TPM1: variants seen among roughly 807,000 people sequenced by gnomAD.
TPM1 encodes the protein tropomyosin alpha-1 chain.
In TPM1, 24 loss-of-function variants were observed where a neutral mutation model predicts 42.9. The ratio of observed to expected loss-of-function variants is 0.56; its 90% CI spans 0.41 to 0.79. The LOEUF (loss-of-function observed/expected upper bound fraction) is 0.79. Ranked by LOEUF, TPM1 falls within the 30% of genes least tolerant of loss-of-function variation. The pLI is 0.00. For missense variants in TPM1, 158 were observed against 351.8 expected (o/e 0.45, Z 4.41); for synonymous variants, 136 against 130.1 (o/e 1.05, Z -0.31).
rs730881152 is a variant in TPM1 at position 63,042,933 on chromosome 15, G to C, written c.104G>C (p.Arg35Thr). ...AEADKKAAEDRSKQLEDELVS... is the reference protein window; with the variant it reads ...AEADKKAAEDTSKQLEDELVS... Reference sequence around the variant, plus strand: ...GCCGACAAGAAGGCGGCGGAAGACAGGAGCAAGCAGGTCTGCGCCTCCCCG... The same window carrying C: ...GCCGACAAGAAGGCGGCGGAAGACACGAGCAAGCAGGTCTGCGCCTCCCCG... The change falls in exon 1 of 10, where the codon AGG becomes ACG. Residue 35 changes from arginine (R) to threonine (T), a missense_variant. Arg to Thr is a moderately conservative substitution (Grantham distance 71). This residue lies in a region of TPM1 where 24 missense variants were observed against 26.8 expected (regional missense o/e 0.89). Coordinates refer to ENST00000403994, the MANE Select transcript of TPM1 (RefSeq NM_001018005.2). 6.3e-7 allele frequency: 1 copy of C among 1,599,846 alleles called. No homozygotes were observed. The highest frequency in any genetic ancestry group is 8.5e-7 in the Non-Finnish European group (1 of 1,173,468).
At chr15:63,071,571 C>T in exon 9 of TPM1, 2 of 317,242 alleles carry the variant, frequency 6.3e-6, no homozygotes. Flanking sequence ...GTCTTTTGTT[C>T]AACATTGTAC....
chr15:63,067,064 C>T (rs2036319263), downstream of TPM1, among the ~76,000 whole-genome samples: 1 of 151,882 alleles, frequency 6.6e-6, no homozygotes, highest in Non-Finnish European at 1.5e-5. Context: ...TAATTCCCAA[C>T]ATTTCTCCTT....
chr15:63,048,863 C>G (rs904499243), intron 2 of TPM1: 1 of 984,352 alleles, frequency 1.0e-6, no homozygotes, highest in Admixed American at 2.1e-5. Flanking sequence ...GCGGCGGGCT[C>G]TGGGGAGGGG....
chr15:63,054,092 TA>T (rs1170169346), intron 2 of TPM1, among the ~76,000 whole-genome samples: 2 of 152,222 alleles, frequency 1.3e-5, no homozygotes, highest in Admixed American at 6.5e-5. Flanking sequence ...ATTGAGACCC[TA>T]TTTTTTGGAT....
chr15:63,048,506 C>T lies in TPM1; in HGVS notation c.240+4354C>T, dbSNP rs111470259. The T allele has an allele frequency of 0.13, 188,548 of 1,467,004 alleles. 16,167 individuals are homozygous for T. Among genetic ancestry groups the T allele is most frequent in the East Asian group, 0.46 (16,530 of 35,780 alleles). 90.9% of individuals were successfully genotyped at this position (1,467,004 alleles called of 1,614,324 possible). On this transcript the variant is annotated intron_variant, in intron 2 of 9. Coordinates refer to ENST00000403994, the MANE Select transcript of TPM1 (RefSeq NM_001018005.2). Reference sequence around the variant, plus strand: ...CGCTGGGCAGCCAGGACAGCCGCGGCAGCCGGGTCCGCAGGGCAGCAGCCG... The same window carrying T: ...CGCTGGGCAGCCAGGACAGCCGCGGTAGCCGGGTCCGCAGGGCAGCAGCCG...
intron 6 of TPM1, 92 bp from the exon 7 acceptor site, chr15:63,062,123 A>G (rs1403803972): frequency 3.6e-6 from 4 of 1,126,742 alleles, no homozygotes; most frequent in South Asian, 1.2e-5. Context: ...GATCCTTAAC[A>G]TCTGTTGGCT....
intron 9 of TPM1, chr15:63,064,444 C>G: frequency 4.2e-6 from 5 of 1,196,520 alleles, no homozygotes; most frequent in Middle Eastern, 3.5e-4. Flanking sequence ...AAGCTAAACT[C>G]AAGTAAAACT....
chr15:63,059,723 G>A (rs919944805), intron 4 of TPM1, 43 bp downstream of exon 4: 1 of 1,423,662 alleles, frequency 7.0e-7, no homozygotes, highest in African/African-American at 1.4e-5. Flanking sequence ...CCCAGCAGTG[G>A]CCTTCAGGAA....
chr15:63,059,479 A>G (rs1400756226), intron 3 of TPM1, 84 bp from the exon 4 acceptor site: 1 of 1,088,912 alleles, frequency 9.2e-7, no homozygotes, highest in African/African-American at 1.6e-5. Context: ...ACTTACACTA[A>G]GCCTCACAAG....
At chr15:63,043,644 GT>G in intron 1 of TPM1, 1 of 1,535,404 alleles carries the variant, frequency 6.5e-7, no homozygotes, top group Non-Finnish European at 8.7e-7. Flanking sequence ...ACGCCCGTGT[GT>G]TGTGTGTGTC....
At chr15:63,070,246 AAT>A, downstream of TPM1, 1 of 1,169,606 alleles carries the variant, frequency 8.5e-7, no homozygotes, top group East Asian at 5.6e-5. Flanking sequence ...CCCCCCAAAA[AAT>A]GTTTTCTATT....
chr15:63,067,142 A>T (rs954228573), downstream of TPM1, among the ~76,000 whole-genome samples: 5 of 152,046 alleles, frequency 3.3e-5, no homozygotes, highest in African/African-American at 7.2e-5. Context: ...TGTTTTGTAT[A>T]TAGTTTTTTT....
At chr15:63,063,163 A>G in intron 8 of TPM1, 1 of 984,256 alleles carries the variant, frequency 1.0e-6, no homozygotes, top group Non-Finnish European at 1.2e-6. Context: ...TCCCTAAGGC[A>G]CTTAGGTTTT....
intron 2 of TPM1, among the ~76,000 whole-genome samples, chr15:63,053,887 G>T (rs1399372577): frequency 2.6e-5 from 4 of 151,816 alleles, no homozygotes; most frequent in Non-Finnish European, 4.4e-5. Context: ...TCACCATGTT[G>T]GTCAGGCTGG....
At chr15:63,044,572 G>T in intron 2 of TPM1, 1 of 397,562 alleles carries the variant, frequency 2.5e-6, no homozygotes, top group South Asian at 3.3e-5. Context: ...TTTGGTGGTG[G>T]GTCTAGTCAG....
intron 2 of TPM1, chr15:63,048,419 G>C: frequency 7.4e-7 from 1 of 1,355,448 alleles, no homozygotes; most frequent in Non-Finnish European, 9.4e-7. Flanking sequence ...GCGACTTCCG[G>C]ACTGCTCCTG....
At chr15:63,060,805 A>G in intron 4 of TPM1, 64 bp from the exon 5 acceptor site, 2 of 1,577,140 alleles carry the variant, frequency 1.3e-6, no homozygotes, top group Non-Finnish European at 1.7e-6. Flanking sequence ...CTCTACCCCC[A>G]TGCCCTTCTG....
intron 6 of TPM1, 144 bp downstream of exon 6, chr15:63,061,932 A>AT: frequency 1.3e-6 from 1 of 776,482 alleles, no homozygotes; most frequent in Non-Finnish European, 2.1e-6. Flanking sequence ...TAGATAACAA[A>AT]TTCTTTTTTT....
chr15:63,071,525 G>T, exon 9 of TPM1: 1 of 351,632 alleles, frequency 2.8e-6, no homozygotes, highest in Non-Finnish European at 5.5e-6. Flanking sequence ...AATCAGGTGT[G>T]GATTGGTGCT....
Sources: allele counts gnomAD v4.1 joint callset (sites outside exome capture counted in the v4.1 genomes callset), GRCh38; gene constraint gnomAD v4.1.1; regional missense constraint gnomAD v4.1.1; transcripts MANE v1.5; gene names NCBI Gene and HGNC (gene_info 2026-07-23, HGNC 2026-07-21).